Variants in CDON observed in about 807,000 individuals in gnomAD.
CDON encodes the protein cell adhesion associated, oncogene regulated.
In CDON, 73 loss-of-function variants were observed where a neutral mutation model predicts 120.9. The ratio of observed to expected loss-of-function variants is 0.60; its 90% CI spans 0.50 to 0.73. The LOEUF (loss-of-function observed/expected upper bound fraction) is 0.73, where lower values mean the gene tolerates loss of function less well. Ranked by LOEUF, CDON falls within the 30% of genes least tolerant of loss-of-function variation. The pLI is 0.00. For synonymous variants in CDON, 566 were observed against 573.5 expected (o/e 0.99, Z 0.19); for missense variants, 1,470 against 1,587.3 (o/e 0.93, Z 1.26).
Position 126,034,782 on chromosome 11 carries a change from CCATGGAGTCAACACTTCCA to C in CDON, c.-61-11264_-61-11246del, listed in dbSNP as rs1229296511. On this transcript the variant is annotated intron_variant, in intron 1 of 19. Coordinates refer to ENST00000531738, the MANE Select transcript of CDON (RefSeq NM_001378964.1). The surrounding 1 kb of genome is among the most constrained non-coding windows in gnomAD (Gnocchi z 4.5). ...TTTCAAGGGGATTATTTTGCAAGTC[CCATGGAGTCAACACTTCCA>C]CAAATCCAGCACTTGGTAGCTTTTC... is the stretch of plus-strand genomic sequence containing the variant. Among the ~76,000 whole-genome samples, 5 of 152,132 alleles carry C rather than the reference CCATGGAGTCAACACTTCCA, an allele frequency of 3.3e-5. No homozygotes were observed. The highest frequency in any genetic ancestry group is 3.3e-4 in the Admixed American group (5 of 15,280).
In CDON at chr11:125,958,024, CAG is replaced by C. The variant is rs1246995686; in HGVS notation, c.*2916_*2917del. The C allele has an allele frequency of 1.3e-5, 2 of 152,268 alleles. No individual in the cohort carries two copies. The highest frequency in any genetic ancestry group is 1.9e-4 in the East Asian group (1 of 5,182). The allele number at this position is 152,268 out of a possible 1,614,324, so 9.4% of individuals were successfully genotyped here. On this transcript the variant is annotated 3_prime_UTR_variant, in exon 20 of 20. Coordinates refer to ENST00000531738, the MANE Select transcript of CDON (RefSeq NM_001378964.1). ...CAAATTTCCAGGTGGAGGTGGTAGACAGGGGGCGTCAAGGGGAGAAATGTGGA... is the reference window on the plus strand; with the variant it reads ...CAAATTTCCAGGTGGAGGTGGTAGACGGGGCGTCAAGGGGAGAAATGTGGA...
intron 1 of CDON, among the ~76,000 whole-genome samples, chr11:126,049,486 G>C (rs1183392844): frequency 6.6e-6 from 1 of 152,158 alleles, no homozygotes; most frequent in African/African-American, 2.4e-5. Flanking sequence ...CAACAGAGGA[G>C]GAGGAACATC....
At chr11:126,024,439 C>T (rs537025930) in intron 1 of CDON, among the ~76,000 whole-genome samples, 11 of 152,176 alleles carry the variant, frequency 7.2e-5, no homozygotes, top group Non-Finnish European at 1.5e-4. Context: ...TATATTATAA[C>T]GGTCGACCCA....
At chr11:125,994,520 T>C in intron 13 of CDON, 131 bp from the exon 14 acceptor site, 1 of 681,236 alleles carries the variant, frequency 1.5e-6, no homozygotes, top group Non-Finnish European at 2.6e-6. Context: ...TGGCCATTTT[T>C]AATTTACTTC....
intron 18 of CDON, among the ~76,000 whole-genome samples, chr11:125,977,046 T>C (rs1221105140): frequency 6.6e-6 from 1 of 152,216 alleles, no homozygotes; most frequent in Non-Finnish European, 1.5e-5. Flanking sequence ...ACTAAATCCG[T>C]CTGATTACTC....
At position 125,990,246 on chromosome 11, in the gene CDON, T is replaced by C. The variant is rs541614757; in HGVS notation, c.2651-487A>G. Among the ~76,000 whole-genome samples, 21 of 152,314 alleles carry C rather than the reference T, an allele frequency of 1.4e-4. No homozygotes were observed. The East Asian group carries it at 2.3e-3, about 17-fold the overall frequency. On this transcript the variant is annotated intron_variant, in intron 14 of 19. Transcript: ENST00000531738. ...AAGCTCCCAATTCCACTGTCATGGA[T>C]GCAACGTGAACTGACATATGACCGA...
At chr11:125,961,225 C>G (rs553660490) in intron 19 of CDON, 120 bp from the exon 20 acceptor site, 37 of 911,748 alleles carry the variant, frequency 4.1e-5, no homozygotes, top group South Asian at 2.6e-4. Flanking sequence ...TAAATAGAAC[C>G]TGGTTTGTGT....
intron 16 of CDON, among the ~76,000 whole-genome samples, chr11:125,983,276 A>AG (rs1946367206): frequency 6.6e-6 from 1 of 152,208 alleles, no homozygotes; most frequent in East Asian, 1.9e-4. Context: ...GAAAAGAGAA[A>AG]GGGGGTTCTA....
intron 8 of CDON, 41 bp downstream of exon 8, chr11:126,010,300 G>A (rs919213053): frequency 3.1e-6 from 4 of 1,308,218 alleles, no homozygotes; most frequent in Non-Finnish European, 4.3e-6. Flanking sequence ...TATTATAAAA[G>A]GAAATTACTC....
At position 125,961,833 on chromosome 11, in the gene CDON, C is replaced by G. The variant is rs750407890; in HGVS notation, c.3522G>C (p.Glu1174Asp). 3 of 1,614,200 alleles carry G rather than the reference C, an allele frequency of 1.9e-6. No individual in the cohort carries two copies. In the South Asian group the frequency reaches 3.3e-5, roughly 18 times the overall value. The change falls in exon 19 of 20, where the codon GAG becomes GAC. Residue 1174 changes from glutamate (E) to aspartate (D), a missense_variant. Glu to Asp is a conservative substitution (Grantham distance 45). Transcript: ENST00000531738. ...AVPDCGQLPE[E>D]SVKDNVEPVP... ...CTGGTTCCACATTGTCCTTGACGCT[C>G]TCCTCCGGCAACTGGCCACAATCAG...
At chr11:126,049,637 C>T (rs1948504740) in intron 1 of CDON, among the ~76,000 whole-genome samples, 1 of 152,142 alleles carries the variant, frequency 6.6e-6, no homozygotes, top group Non-Finnish European at 1.5e-5. Context: ...TTTTGGCCTG[C>T]ATTACACAGT....
chr11:126,027,419 T>C (rs902882954), intron 1 of CDON, among the ~76,000 whole-genome samples: 6 of 152,176 alleles, frequency 3.9e-5, no homozygotes, highest in Non-Finnish European at 8.8e-5. Flanking sequence ...ACTATCTTTA[T>C]CAAAAAAGAA....
At chr11:126,027,431 C>A (rs911018750) in intron 1 of CDON, among the ~76,000 whole-genome samples, 1 of 152,062 alleles carries the variant, frequency 6.6e-6, no homozygotes, top group African/African-American at 2.4e-5. Context: ...AAAAAAGAAA[C>A]CCTTAATATT....
At position 126,028,808 on chromosome 11, in the gene CDON, T is replaced by C. The variant is rs553045641; in HGVS notation, c.-61-5271A>G. Among the ~76,000 whole-genome samples the C allele has an allele frequency of 2.0e-5, 3 of 151,624 alleles. No homozygotes were observed. In the South Asian group the frequency reaches 6.2e-4, roughly 32 times the overall value. On this transcript the variant is annotated intron_variant, in intron 1 of 19. Coordinates refer to ENST00000531738, the MANE Select transcript of CDON (RefSeq NM_001378964.1). Reference sequence around the variant, plus strand: ...TGGATAGTTAGGCTACATTTTTATATATGTGTATATGTATGTGTGTGTGTG... The same window carrying C: ...TGGATAGTTAGGCTACATTTTTATACATGTGTATATGTATGTGTGTGTGTG...
rs769815320 is a variant in CDON, at chr11:126,015,397, T to C, written c.1042A>G (p.Asn348Asp). 3.1e-6 allele frequency: 5 copies of C among 1,614,066 alleles called. No individual in the cohort carries two copies. Residue 348 changes from asparagine to aspartate, a missense_variant, in exon 7 of 20, where the codon AAT becomes GAT. Coordinates refer to ENST00000531738, the MANE Select transcript of CDON (RefSeq NM_001378964.1). Reference protein sequence around the residue: ...NPAPNCTWFHNAQPIHPSARH... With the variant: ...NPAPNCTWFHDAQPIHPSARH... ...GCAGAAGGATGAATAGGCTGTGCAT[T>C]GTGAAACCAGGTACAGTTGGGGGCT... is the stretch of plus-strand genomic sequence containing the variant.
At chr11:126,054,030 A>G (rs1948630102) in intron 1 of CDON, among the ~76,000 whole-genome samples, 1 of 152,212 alleles carries the variant, frequency 6.6e-6, no homozygotes, top group South Asian at 2.1e-4. Flanking sequence ...TGTCACTACA[A>G]TAATTTCATG....
chr11:126,046,553 G>A lies in CDON; in HGVS notation c.-62+16026C>T, dbSNP rs1412292681. ...ACAAGCATCTACTTTCTGAAGCATT[G>A]TTACTGTCACTGCTGAAGACAGAAA... On this transcript the variant is annotated intron_variant, in intron 1 of 19. Coordinates refer to ENST00000531738, the MANE Select transcript of CDON (RefSeq NM_001378964.1). 5.3e-5 allele frequency among the ~76,000 whole-genome samples: 8 copies of A among 152,134 alleles called. No homozygotes were observed. In the East Asian group the frequency reaches 1.5e-3, roughly 29 times the overall value.
At chr11:125,990,772 T>C (rs1020512974) in intron 14 of CDON, among the ~76,000 whole-genome samples, 2 of 152,214 alleles carry the variant, frequency 1.3e-5, no homozygotes, top group Non-Finnish European at 2.9e-5. Context: ...AATCTGAAAG[T>C]ACAAGCCTCT....
intron 7 of CDON, among the ~76,000 whole-genome samples, chr11:126,011,817 T>C (rs933394351): frequency 1.3e-5 from 2 of 152,232 alleles, no homozygotes; most frequent in African/African-American, 2.4e-5. Flanking sequence ...GAAAACCTTT[T>C]TCATCTCGTC....
Sources: gnomAD v4.1 joint callset for allele counts (sites outside exome capture counted in the v4.1 genomes callset) on GRCh38, gnomAD v4.1.1 for gene constraint, Gnocchi (gnomAD v3.1) non-coding constraint, MANE v1.5 for transcripts, NCBI Gene and HGNC (gene_info 2026-07-23, HGNC 2026-07-21) for gene names.